ST7: variants seen among roughly 807,000 people sequenced by gnomAD.
ST7 encodes the protein suppression of tumorigenicity 7, also known as suppressor of tumorigenicity 7 protein.
A neutral mutation model predicts 78.7 loss-of-function variants in ST7; 28 were observed. That is an observed-to-expected ratio of 0.36 (90% CI 0.26 to 0.49). The LOEUF is 0.49. ST7 is among the 20% of genes least tolerant of loss of function. The probability of loss-of-function intolerance (pLI) is 0.99; values close to 1 mark genes in which losing one functional copy is unlikely to be tolerated. For missense variants in ST7, 418 were observed against 696.0 expected (o/e 0.60, Z 4.49); for synonymous variants, 247 against 249.6 (o/e 0.99, Z 0.10).
At chr7:117,130,409 T>G in intron 4 of ST7, 82 bp from the exon 5 acceptor site, 1 of 992,338 alleles carries the variant, frequency 1.0e-6, no homozygotes, top group Non-Finnish European at 1.5e-6. Flanking sequence ...GGTCTATATT[T>G]CAACGCCTCT....
intron 1 of ST7, among the ~76,000 whole-genome samples, chr7:116,976,195 C>T (rs1166388740): frequency 5.3e-5 from 8 of 152,020 alleles, no homozygotes; most frequent in African/African-American, 9.7e-5. Context: ...ACCCAGGAGA[C>T]GGAGTTTGCA....
At chr7:117,019,972 T>C (rs950956689) in intron 1 of ST7, among the ~76,000 whole-genome samples, 1 of 152,244 alleles carries the variant, frequency 6.6e-6, no homozygotes, top group African/African-American at 2.4e-5. Context: ...GTCTTTGTGG[T>C]TAATTGCTAT....
chr7:116,978,255 G>T (rs2116309631), intron 1 of ST7, among the ~76,000 whole-genome samples: 1 of 152,328 alleles, frequency 6.6e-6, no homozygotes, highest in Middle Eastern at 3.4e-3. Context: ...GAAAGAAGTT[G>T]CTTCCTGACT....
chr7:116,958,467 T>G (rs1792644384), intron 1 of ST7: 1 of 328,052 alleles, frequency 3.0e-6, no homozygotes, highest in Non-Finnish European at 6.3e-6. Flanking sequence ...TACTTAAAAT[T>G]TACATAAAAT....
chr7:117,140,291 A>G (rs752392013), intron 9 of ST7, among the ~76,000 whole-genome samples: 4 of 152,176 alleles, frequency 2.6e-5, no homozygotes, highest in Non-Finnish European at 5.9e-5. Context: ...GAGAAACACT[A>G]AGCAGGAGTC....
chr7:117,020,570 T>G, intron 1 of ST7: 1 of 1,547,124 alleles, frequency 6.5e-7, no homozygotes, highest in Non-Finnish European at 8.7e-7. Flanking sequence ...TCCCTTTTCT[T>G]TCTTCTAATT....
chr7:117,106,180 A>G (rs1464042104), intron 2 of ST7, among the ~76,000 whole-genome samples: 1 of 151,862 alleles, frequency 6.6e-6, no homozygotes, highest in African/African-American at 2.4e-5. Context: ...TTGTATTTTT[A>G]GTAGAGACGG....
chr7:117,139,888 C>G (rs1805128659), intron 9 of ST7, among the ~76,000 whole-genome samples: 1 of 152,236 alleles, frequency 6.6e-6, no homozygotes, highest in African/African-American at 2.4e-5. Flanking sequence ...CTTCATCCCT[C>G]TGCCAGTCAC....
At chr7:117,210,074 T>A in intron 13 of ST7, 137 bp downstream of exon 13, 1 of 1,036,706 alleles carries the variant, frequency 9.6e-7, no homozygotes, top group Non-Finnish European at 1.4e-6. Flanking sequence ...CTAAGCCAGT[T>A]AGTGACTTAG....
At chr7:117,215,142 C>T (rs1466582415) in intron 13 of ST7, among the ~76,000 whole-genome samples, 2 of 152,124 alleles carry the variant, frequency 1.3e-5, no homozygotes, top group East Asian at 1.9e-4. Flanking sequence ...TTTAATCCAA[C>T]TAAGGGAAAG....
intron 12 of ST7, among the ~76,000 whole-genome samples, chr7:117,194,958 C>T (rs185160040): frequency 6.6e-6 from 1 of 152,312 alleles, no homozygotes; most frequent in Admixed American, 6.5e-5. Flanking sequence ...GAGGATGTTA[C>T]ATTAACTCCT....
intron 10 of ST7, among the ~76,000 whole-genome samples, chr7:117,179,706 G>T (rs190121887): frequency 7.6e-4 from 115 of 152,238 alleles, no homozygotes; most frequent in African/African-American, 2.6e-3. Context: ...GGGGGTGTGG[G>T]GGGGTAGGGG....
chr7:117,220,757 T>C (rs145171150), intron 14 of ST7, among the ~76,000 whole-genome samples: 1 of 152,330 alleles, frequency 6.6e-6, no homozygotes, highest in Admixed American at 6.5e-5. Context: ...ATTAAAAGTA[T>C]AATTATAGCC....
intron 15 of ST7, among the ~76,000 whole-genome samples, 171 bp from the exon 16 acceptor site, chr7:117,229,591 A>T (rs1346945274): frequency 6.6e-6 from 1 of 152,234 alleles, no homozygotes; most frequent in Non-Finnish European, 1.5e-5. Flanking sequence ...AAGGACTGGA[A>T]TGCAGGTTTG....
At chr7:117,178,557 A>G (rs983945106) in intron 10 of ST7, among the ~76,000 whole-genome samples, 7 of 152,174 alleles carry the variant, frequency 4.6e-5, no homozygotes, top group African/African-American at 1.7e-4. Context: ...CATTTGTGAG[A>G]TGGTTTGGGA....
intron 9 of ST7, among the ~76,000 whole-genome samples, chr7:117,161,661 G>A (rs1470984199): frequency 7.1e-6 from 1 of 140,092 alleles, no homozygotes; most frequent in Non-Finnish European, 1.5e-5. Context: ...GTGCAATGAC[G>A]CAGTCTTGGC....
At chr7:117,027,463 A>AAAGTAAAAGTAAAGTAAAGT (rs61692677) in intron 1 of ST7, among the ~76,000 whole-genome samples, 1 of 140,630 alleles carries the variant, frequency 7.1e-6, no homozygotes, top group Non-Finnish European at 1.5e-5. Flanking sequence ...AAAGTAAAGT[A>AAAGTAAAAGTAAAGTAAAGT]AAAGTAAAGT....
At chr7:117,211,099 AT>A (rs1792252539) in intron 13 of ST7, among the ~76,000 whole-genome samples, 1 of 152,176 alleles carries the variant, frequency 6.6e-6, no homozygotes, top group South Asian at 2.1e-4. Flanking sequence ...GGGGAGCAAA[AT>A]GGGATAGTGT....
intron 2 of ST7, among the ~76,000 whole-genome samples, chr7:117,107,878 G>A (rs1195948235): frequency 1.3e-5 from 2 of 151,872 alleles, no homozygotes; most frequent in African/African-American, 2.4e-5. Context: ...GCCTCCCAAA[G>A]TTCTGGGATT....
Sources: allele counts gnomAD v4.1 joint callset (sites outside exome capture counted in the v4.1 genomes callset), GRCh38; gene constraint gnomAD v4.1.1; transcripts MANE v1.5; gene names NCBI Gene and HGNC (gene_info 2026-07-23, HGNC 2026-07-21).